COLEC12: variants seen among roughly 807,000 people sequenced by gnomAD.
COLEC12 encodes collectin subfamily member 12.
A neutral mutation model predicts 71.1 loss-of-function variants in COLEC12; 33 were observed. The ratio of observed to expected loss-of-function variants is 0.46; its 90% CI spans 0.35 to 0.62. COLEC12 has a LOEUF of 0.62. Among genes scored for constraint, COLEC12 ranks in the 20% least tolerant of loss-of-function variants. COLEC12 has a pLI of 0.00. For synonymous variants in COLEC12, 350 were observed against 353.0 expected, an observed-to-expected ratio of 0.99 and a Z score of 0.10; for missense variants, 765 against 916.1, an observed-to-expected ratio of 0.84 and a Z score of 2.13.
chr18:398,246 TG>T (rs1163624772), intron 2 of COLEC12, among the ~76,000 whole-genome samples: 1 of 152,242 alleles, frequency 6.6e-6, no homozygotes, highest in Non-Finnish European at 1.5e-5. Flanking sequence ...CTTCAGTAAA[TG>T]GATTTTGTCA....
intron 2 of COLEC12, among the ~76,000 whole-genome samples, chr18:383,770 A>G (rs1372860645): frequency 6.6e-6 from 1 of 152,210 alleles, no homozygotes; most frequent in African/African-American, 2.4e-5. Context: ...CTGCTAATAC[A>G]GACATACCCG....
chr18:500,550 CCGCG>C lies in COLEC12; in HGVS notation c.-40_-37del. 8.2e-7 allele frequency: 1 copy of C among 1,221,054 alleles called. No individual in the cohort carries two copies. The highest frequency in any genetic ancestry group is 1.0e-6 in the Non-Finnish European group (1 of 981,180). The allele number at this position is 1,221,054 out of a possible 1,614,324, so 75.6% of individuals were successfully genotyped here. ...GGGACGCACCGCCGGCCGGGGAGCT[CCGCG>C]CGAGCGCCGCGCAGCCGAGGAAGTC... On this transcript the variant is annotated 5_prime_UTR_variant, in exon 1 of 10. Transcript: ENST00000400256. This position sits in a 1 kb window ranked among gnomAD's most constrained non-coding sequence, Gnocchi z 5.3.
chr18:407,631 G>A (rs972926342), intron 2 of COLEC12, among the ~76,000 whole-genome samples: 4 of 152,162 alleles, frequency 2.6e-5, no homozygotes, highest in South Asian at 2.1e-4. Flanking sequence ...AAACCCACCC[G>A]CATTAGGGAA....
intron 2 of COLEC12, among the ~76,000 whole-genome samples, chr18:412,775 A>G (rs1032895849): frequency 6.6e-6 from 1 of 152,208 alleles, no homozygotes; most frequent in Non-Finnish European, 1.5e-5. Flanking sequence ...TAGACACATA[A>G]TCCAGCACCT....
intron 2 of COLEC12, among the ~76,000 whole-genome samples, chr18:442,133 T>A (rs1045794629): frequency 2.1e-5 from 3 of 145,918 alleles, no homozygotes; most frequent in Non-Finnish European, 4.4e-5. Context: ...TATTCCTTAA[T>A]GCTGGGGATG....
rs72859279 is a variant in COLEC12, at chr18:387,568, T to A, written c.59-30046A>T. Among the ~76,000 whole-genome samples, 769 of 152,290 alleles carry A rather than the reference T, an allele frequency of 5.0e-3. 1 individual carries two copies. The highest frequency in any genetic ancestry group is 8.5e-3 in the Non-Finnish European group (579 of 68,026). On this transcript the variant is annotated intron_variant, in intron 2 of 9. Coordinates refer to ENST00000400256, the MANE Select transcript of COLEC12 (RefSeq NM_130386.3). ...TGGTGGACATGTTTGAAGGCGTCAA[T>A]GACATAGTGCAATCCTTCTGCGATG...
chr18:470,588 A>G (rs2621196), intron 2 of COLEC12, among the ~76,000 whole-genome samples: 59,861 of 151,512 alleles, frequency 0.4, 12,426 homozygotes, highest in South Asian at 0.6. Flanking sequence ...CTCTAAAAAA[A>G]AAAAAATTTT....
At chr18:377,057 C>T (rs1377010756) in intron 2 of COLEC12, among the ~76,000 whole-genome samples, 3 of 152,166 alleles carry the variant, frequency 2.0e-5, no homozygotes, top group African/African-American at 4.8e-5. Flanking sequence ...TTCCCCTGCA[C>T]GTGTCATTGC....
At chr18:331,513 C>G (rs959575965) in intron 8 of COLEC12, among the ~76,000 whole-genome samples, 155 bp downstream of exon 8, 1 of 152,058 alleles carries the variant, frequency 6.6e-6, no homozygotes, top group African/African-American at 2.4e-5. Flanking sequence ...CACGATTTCC[C>G]CAGGGGAAAT....
intron 1 of COLEC12, among the ~76,000 whole-genome samples, chr18:488,559 T>C (rs1917561493): frequency 1.3e-5 from 2 of 151,800 alleles, no homozygotes; most frequent in South Asian, 4.2e-4. Context: ...AAGGAAAAAT[T>C]AGAAAATCAA....
intron 8 of COLEC12, among the ~76,000 whole-genome samples, chr18:328,391 C>T (rs1201980075): frequency 6.6e-6 from 1 of 152,162 alleles, no homozygotes; most frequent in Non-Finnish European, 1.5e-5. Flanking sequence ...TCCCCATTCC[C>T]AGGCCATGCA....
chr18:393,414 GC>G (rs1915504851), intron 2 of COLEC12, among the ~76,000 whole-genome samples: 1 of 96,336 alleles, frequency 1.0e-5, no homozygotes, highest in South Asian at 3.4e-4. Context: ...CGGAGGCACA[GC>G]AAATTTCATA....
intron 2 of COLEC12, among the ~76,000 whole-genome samples, chr18:427,687 C>T (rs1353799086): frequency 6.6e-6 from 1 of 151,440 alleles, no homozygotes; most frequent in African/African-American, 2.5e-5. Flanking sequence ...TTGCACAATT[C>T]ATAACCGGTC....
At chr18:455,390 G>T (rs570443103) in intron 2 of COLEC12, among the ~76,000 whole-genome samples, 45 of 149,514 alleles carry the variant, frequency 3.0e-4, no homozygotes, top group African/African-American at 1.1e-3. Flanking sequence ...CCATTCTCCT[G>T]CCTCAACCTC....
chr18:482,542 T>C (rs1917442792), intron 1 of COLEC12, among the ~76,000 whole-genome samples: 1 of 152,198 alleles, frequency 6.6e-6, no homozygotes, highest in Non-Finnish European at 1.5e-5. Context: ...GGCATGTTGT[T>C]AGCACTCACC....
At position 324,659 on chromosome 18, in the gene COLEC12, T is replaced by C. The variant is rs560509137; in HGVS notation, c.2064-2852A>G. Reference sequence around the variant, plus strand: ...GTCTGGCCAACATGGCGAAACCCCATCTCTACTAAAAATACAAAAATTAGC... The same window carrying C: ...GTCTGGCCAACATGGCGAAACCCCACCTCTACTAAAAATACAAAAATTAGC... On this transcript the variant is annotated intron_variant, in intron 8 of 9. Transcript: ENST00000400256. Among the ~76,000 whole-genome samples, 28 of 151,048 alleles carry C rather than the reference T, an allele frequency of 1.9e-4. 1 individual carries two copies. The South Asian group carries it at 5.9e-3, about 32-fold the overall frequency.
intron 2 of COLEC12, among the ~76,000 whole-genome samples, chr18:441,309 T>C (rs549652313): frequency 4.6e-5 from 7 of 152,274 alleles, no homozygotes; most frequent in South Asian, 2.1e-4. Context: ...TACGTCTTCA[T>C]AGAAAACTAT....
intron 2 of COLEC12, among the ~76,000 whole-genome samples, chr18:364,351 T>C (rs986258483): frequency 2.0e-5 from 3 of 152,254 alleles, no homozygotes; most frequent in Non-Finnish European, 2.9e-5. Context: ...TTGTGGTTTT[T>C]ATAAGAAATC....
intron 1 of COLEC12, among the ~76,000 whole-genome samples, chr18:497,516 T>C (rs1598383998): frequency 1.3e-5 from 2 of 152,220 alleles, no homozygotes; most frequent in East Asian, 3.9e-4. Flanking sequence ...GCTATTCTCC[T>C]GCCTCAGCTT....
Sources: allele counts gnomAD v4.1 joint callset (sites outside exome capture counted in the v4.1 genomes callset), GRCh38; gene constraint gnomAD v4.1.1; non-coding constraint Gnocchi (gnomAD v3.1); transcripts MANE v1.5; gene names NCBI Gene and HGNC (gene_info 2026-07-23, HGNC 2026-07-21).